The following MAIP1 variants were observed in gnomAD, a reference collection of about 807,000 sequenced individuals.
The protein encoded by MAIP1 is m-AAA protease-interacting protein 1, mitochondrial.
MAIP1 carries 28 observed loss-of-function variants against 31.2 expected under a neutral mutation model. The ratio of observed to expected loss-of-function variants is 0.90; its 90% CI spans 0.67 to 1.23. The LOEUF (loss-of-function observed/expected upper bound fraction) is 1.23, where lower values mean the gene tolerates loss of function less well. Ranked by LOEUF, MAIP1 falls within the 50% of genes most tolerant of loss-of-function variation. MAIP1 has a pLI of 0.00. For synonymous variants in MAIP1, 142 were observed against 142.3 expected, an observed-to-expected ratio of 1.00 and a Z score of 0.02; for missense variants, 339 against 356.0, an observed-to-expected ratio of 0.95 and a Z score of 0.38.
At chr2:199,955,526 C>T (rs1384717141), upstream of MAIP1, 6 of 1,584,014 alleles carry the variant, frequency 3.8e-6, no homozygotes, top group Non-Finnish European at 5.2e-6. Flanking sequence ...TAAAGCGTTC[C>T]TCAGCGCCAT....
At chr2:199,961,747 G>A (rs1228980221) in intron 3 of MAIP1, 34 bp from the exon 4 acceptor site, 2 of 1,568,828 alleles carry the variant, frequency 1.3e-6, no homozygotes, top group South Asian at 2.3e-5. Flanking sequence ...ATTTTGATTT[G>A]TATTCGTATG....
chr2:199,960,680 C>T (rs1185887277), intron 3 of MAIP1, among the ~76,000 whole-genome samples: 1 of 152,012 alleles, frequency 6.6e-6, no homozygotes, highest in Admixed American at 6.6e-5. Context: ...GTGTGTTATG[C>T]AAATACTACA....
At chr2:199,962,174 A>G (rs533622043) in intron 4 of MAIP1, among the ~76,000 whole-genome samples, 32 of 152,158 alleles carry the variant, frequency 2.1e-4, no homozygotes, top group Non-Finnish European at 3.8e-4. Context: ...ACTACCCCCA[A>G]ATTCATTGGC....
At chr2:199,955,404 G>A (rs2077589668), upstream of MAIP1, 4 of 1,613,726 alleles carry the variant, frequency 2.5e-6, no homozygotes, top group Non-Finnish European at 3.4e-6. Context: ...TGTGGGTAGA[G>A]GTGCTGCATG....
Position 199,963,842 on chromosome 2 carries a change from A to G in MAIP1, c.*31A>G, listed in dbSNP as rs199836821. ...TTGGAAAAATCAGCTTATGGACTTT[A>G]GCAGTTGCTGTGAAAAACTAAGGAA... On this transcript the variant is annotated 3_prime_UTR_variant, in exon 5 of 5. Coordinates refer to ENST00000392290, the MANE Select transcript of MAIP1 (RefSeq NM_001394955.1). 37 of 1,445,670 alleles carry G rather than the reference A, an allele frequency of 2.6e-5. 1 individual carries two copies. The African/African-American group carries it at 4.6e-4, about 18-fold the overall frequency. The allele number at this position is 1,445,670 out of a possible 1,614,324, so 89.6% of individuals were successfully genotyped here. A position where few individuals can be genotyped will look rare whatever the true frequency, so the allele number is the denominator to read the frequency against.
intron 1 of MAIP1, among the ~76,000 whole-genome samples, chr2:199,957,083 C>G (rs1052969127): frequency 2.5e-4 from 35 of 137,928 alleles, no homozygotes; most frequent in Non-Finnish European, 6.1e-5. Context: ...TGTATCGTTC[C>G]CAAACATTGC....
At position 199,956,085 on chromosome 2, in the gene MAIP1, A is replaced by C. The variant is rs1346099026; in HGVS notation, c.287A>C (p.Tyr96Ser). The stretch of plus-strand genomic sequence containing the variant: ...TTCCCTGCCTGCCCTCAGCGCAGCT[A>C]CAGCACGGAGGAGAAGCCCCAGCAG... ...ASFPACPQRS[Y>S]STEEKPQQHQ... The change falls in exon 1 of 5, where the codon TAC becomes TCC. Residue 96 changes from tyrosine (Y) to serine (S), a missense_variant. Transcript: ENST00000392290. 6.2e-7 allele frequency: 1 copy of C among 1,613,914 alleles called. No individual in the cohort carries two copies. The highest frequency in any genetic ancestry group is 8.5e-7 in the Non-Finnish European group (1 of 1,179,946).
At chr2:199,958,783 C>T (rs1372865970) in intron 1 of MAIP1, among the ~76,000 whole-genome samples, 3 of 152,148 alleles carry the variant, frequency 2.0e-5, no homozygotes, top group African/African-American at 7.2e-5. Flanking sequence ...CTGTTTTAGA[C>T]CACATAAACT....
At chr2:199,960,661 C>T (rs1425955191) in intron 3 of MAIP1, among the ~76,000 whole-genome samples, 1 of 152,016 alleles carries the variant, frequency 6.6e-6, no homozygotes, top group African/African-American at 2.4e-5. Flanking sequence ...TTAAAGTATA[C>T]TGGAGGATGT....
chr2:199,955,737 G>C lies in MAIP1; in HGVS notation c.-62G>C. 1.4e-6 allele frequency: 2 copies of C among 1,456,748 alleles called. No individual in the cohort carries two copies. Among genetic ancestry groups the C allele is most frequent in the Non-Finnish European group, 1.8e-6 (2 of 1,087,940 alleles). 90.2% of individuals were successfully genotyped at this position (1,456,748 alleles called of 1,614,324 possible). ...TCTCTTTCTCCGACACCGCTGAGGC[G>C]GTTTCCCACCGACTTCCTTTCCATA... On this transcript the variant is annotated 5_prime_UTR_variant, in exon 1 of 5. Transcript: ENST00000392290.
At position 199,956,287 on chromosome 2, in the gene MAIP1, G is replaced by A. The variant is rs372980716; in HGVS notation, c.450+39G>A. The A allele has an allele frequency of 4.7e-6, 7 of 1,484,192 alleles. No homozygotes were observed. In the African/African-American group the frequency reaches 9.7e-5, roughly 21 times the overall value. The allele number at this position is 1,484,192 out of a possible 1,614,324, so 91.9% of individuals were successfully genotyped here. Reference sequence around the variant, plus strand: ...CCTGATTGACCTATCCGTCTCTAATGAGTTCAACTATTGCTCGCAGAAGTG... The same window carrying A: ...CCTGATTGACCTATCCGTCTCTAATAAGTTCAACTATTGCTCGCAGAAGTG... On this transcript the variant is annotated intron_variant, in intron 1 of 4. Transcript: ENST00000392290.
intron 2 of MAIP1, 40 bp from the exon 3 acceptor site, chr2:199,959,713 AT>A (rs1247316655): frequency 6.4e-7 from 1 of 1,559,472 alleles, no homozygotes; most frequent in Non-Finnish European, 8.7e-7. Context: ...GTTTTCAAAA[AT>A]TGTATCAGTG....
chr2:199,957,919 C>T (rs2077616716), intron 1 of MAIP1, among the ~76,000 whole-genome samples: 1 of 152,158 alleles, frequency 6.6e-6, no homozygotes, highest in Admixed American at 6.5e-5. Flanking sequence ...ATCATCTCCC[C>T]ACCATGGGCA....
chr2:199,956,637 C>T (rs554174335), intron 1 of MAIP1, among the ~76,000 whole-genome samples: 1 of 152,324 alleles, frequency 6.6e-6, no homozygotes, highest in African/African-American at 2.4e-5. Context: ...CAATGCCTGG[C>T]ACATAGTAGG....
upstream of MAIP1, chr2:199,955,560 A>G: frequency 6.6e-7 from 1 of 1,507,604 alleles, no homozygotes; most frequent in Non-Finnish European, 9.0e-7. Context: ...CGAGCGACAG[A>G]GAAAAGGTCC....
upstream of MAIP1, chr2:199,955,566 G>A: frequency 1.4e-6 from 2 of 1,472,118 alleles, no homozygotes; most frequent in Non-Finnish European, 1.8e-6. Flanking sequence ...ACAGAGAAAA[G>A]GTCCGCGAGG....
Position 199,963,956 on chromosome 2 carries a change from G to A in MAIP1, c.*145G>A. 1 of 481,552 alleles carries A rather than the reference G, an allele frequency of 2.1e-6. No homozygotes were observed. Among genetic ancestry groups the A allele is most frequent in the South Asian group, 3.5e-5 (1 of 28,258 alleles). The allele number at this position is 481,552 out of a possible 1,614,324, so 29.8% of individuals were successfully genotyped here. ...TTGAAATACTCCTTGCAGTATATTGGCATGATACAGTAAAAGCATTTTCCA... is the reference window on the plus strand; with the variant it reads ...TTGAAATACTCCTTGCAGTATATTGACATGATACAGTAAAAGCATTTTCCA... On this transcript the variant is annotated 3_prime_UTR_variant, in exon 5 of 5. Transcript: ENST00000392290.
chr2:199,955,502 C>T (rs751351876), upstream of MAIP1: 3 of 1,609,122 alleles, frequency 1.9e-6, no homozygotes, highest in Middle Eastern at 1.6e-4. Flanking sequence ...TCCAGGTCTT[C>T]GGAACTTCGG....
intron 1 of MAIP1, among the ~76,000 whole-genome samples, chr2:199,956,704 G>A (rs2077607474): frequency 1.3e-5 from 2 of 152,210 alleles, no homozygotes; most frequent in Admixed American, 6.5e-5. Context: ...AAGAATAATT[G>A]AGATAACATT....
Sources: allele counts gnomAD v4.1 joint callset (sites outside exome capture counted in the v4.1 genomes callset), GRCh38; gene constraint gnomAD v4.1.1; transcripts MANE v1.5; gene names NCBI Gene and HGNC (gene_info 2026-07-23, HGNC 2026-07-21).